The following MAGI2 variants were observed in gnomAD, a reference collection of about 807,000 sequenced individuals.
MAGI2 encodes membrane associated guanylate kinase, WW and PDZ domain containing 2.
In MAGI2, 35 loss-of-function variants were observed where a neutral mutation model predicts 133.3. The ratio of observed to expected loss-of-function variants is 0.26; its 90% confidence interval spans 0.20 to 0.35. The LOEUF (loss-of-function observed/expected upper bound fraction) is 0.35, where lower values mean the gene tolerates loss of function less well. Among genes scored for constraint, MAGI2 ranks in the 10% least tolerant of loss-of-function variants. MAGI2 has a pLI of 1.00. For missense variants in MAGI2, 1,636 were observed against 1,863.4 expected, an observed-to-expected ratio of 0.88 and a Z score of 2.25; for synonymous variants, 729 against 710.6, an observed-to-expected ratio of 1.03 and a Z score of -0.41.
chr7:78,722,993 T>G (rs563730169), intron 2 of MAGI2, among the ~76,000 whole-genome samples: 76 of 152,192 alleles, frequency 5.0e-4, no homozygotes, highest in African/African-American at 1.7e-3. Context: ...GATGTAAGAA[T>G]GTGGAAATTA....
At chr7:78,020,344 G>A (rs1447004047) in intron 21 of MAGI2, among the ~76,000 whole-genome samples, 2 of 152,124 alleles carry the variant, frequency 1.3e-5, no homozygotes, top group Admixed American at 6.5e-5. Context: ...TCTCCAACTC[G>A]AGTAGACCTT....
chr7:79,441,811 A>G (rs1027302575), intron 1 of MAGI2, among the ~76,000 whole-genome samples: 1 of 152,098 alleles, frequency 6.6e-6, no homozygotes, highest in African/African-American at 2.4e-5. Context: ...ACACTTATAA[A>G]TTAGGCATAA....
At chr7:78,594,723 T>A (rs1804415881) in intron 3 of MAGI2, among the ~76,000 whole-genome samples, 1 of 152,166 alleles carries the variant, frequency 6.6e-6, no homozygotes, top group Non-Finnish European at 1.5e-5. Flanking sequence ...CCCAAAGTGT[T>A]GGGATTACAG....
At chr7:78,342,168 AAAG>A (rs1278321508) in intron 9 of MAGI2, among the ~76,000 whole-genome samples, 1 of 152,212 alleles carries the variant, frequency 6.6e-6, no homozygotes, top group Non-Finnish European at 1.5e-5. Context: ...ACACTTCTCA[AAAG>A]AAGACATTTG....
intron 1 of MAGI2, among the ~76,000 whole-genome samples, chr7:79,210,314 A>G (rs1308643745): frequency 2.6e-5 from 4 of 152,210 alleles, no homozygotes; most frequent in African/African-American, 7.2e-5. Context: ...TAAAGCTTCT[A>G]TAAATGTTGA....
intron 2 of MAGI2, among the ~76,000 whole-genome samples, chr7:78,893,768 C>A (rs1461426573): frequency 6.6e-6 from 1 of 152,022 alleles, no homozygotes; most frequent in Non-Finnish European, 1.5e-5. Flanking sequence ...GGAGATATAC[C>A]TAATGTTAAA....
chr7:78,111,886 TG>T, intron 20 of MAGI2, among the ~76,000 whole-genome samples: 1 of 152,236 alleles, frequency 6.6e-6, no homozygotes, highest in East Asian at 1.9e-4. Context: ...CAGGGTTGGC[TG>T]AATTTCAGCA....
intron 3 of MAGI2, among the ~76,000 whole-genome samples, chr7:78,552,974 A>G (rs1799483259): frequency 6.6e-6 from 1 of 151,976 alleles, no homozygotes; most frequent in Non-Finnish European, 1.5e-5. Context: ...GATATGAATG[A>G]GAGTTTGTGG....
chr7:78,452,352 G>A (rs1788813914), intron 6 of MAGI2, among the ~76,000 whole-genome samples: 1 of 151,904 alleles, frequency 6.6e-6, no homozygotes, highest in African/African-American at 2.4e-5. Flanking sequence ...AGTGATAGTA[G>A]GAGCAATGCA....
At chr7:78,646,650 A>G (rs984262482) in intron 2 of MAGI2, among the ~76,000 whole-genome samples, 1 of 152,240 alleles carries the variant, frequency 6.6e-6, no homozygotes, top group Non-Finnish European at 1.5e-5. Flanking sequence ...TTATAAAGCT[A>G]TAGGACAATA....
At chr7:78,392,264 T>C (rs1795960916) in intron 6 of MAGI2, among the ~76,000 whole-genome samples, 2 of 152,280 alleles carry the variant, frequency 1.3e-5, no homozygotes, top group Non-Finnish European at 1.5e-5. Context: ...ATTTAAGATG[T>C]CTTCATGACT....
intron 1 of MAGI2, among the ~76,000 whole-genome samples, chr7:79,359,891 C>T (rs188763399): frequency 9.9e-5 from 15 of 152,208 alleles, no homozygotes; most frequent in African/African-American, 2.6e-4. Context: ...TCACTGTCAG[C>T]GCTCATTTAA....
chr7:78,666,961 A>T (rs897754238), intron 2 of MAGI2, among the ~76,000 whole-genome samples: 54 of 152,146 alleles, frequency 3.5e-4, no homozygotes, highest in Non-Finnish European at 6.8e-4. Flanking sequence ...TATATGGGAA[A>T]AATTCTTAAA....
chr7:78,480,370 A>G (rs897594764), intron 6 of MAGI2, among the ~76,000 whole-genome samples: 1 of 151,874 alleles, frequency 6.6e-6, no homozygotes, highest in Non-Finnish European at 1.5e-5. Flanking sequence ...AAACCAGATA[A>G]AGACAGTACA....
chr7:79,348,263 T>C (rs916875082), intron 1 of MAGI2, among the ~76,000 whole-genome samples: 3 of 151,926 alleles, frequency 2.0e-5, no homozygotes, highest in Non-Finnish European at 4.4e-5. Flanking sequence ...GATCTTCTAG[T>C]TTAATTACAC....
intron 1 of MAGI2, among the ~76,000 whole-genome samples, chr7:79,359,456 A>G (rs1031462979): frequency 6.6e-6 from 1 of 152,040 alleles, no homozygotes; most frequent in African/African-American, 2.4e-5. Context: ...AATTCTCCAC[A>G]CTTGATAAAA....
At chr7:78,396,151 T>C (rs775648892) in intron 6 of MAGI2, among the ~76,000 whole-genome samples, 8 of 152,160 alleles carry the variant, frequency 5.3e-5, no homozygotes, top group Non-Finnish European at 8.8e-5. Flanking sequence ...CCTTTTAAGA[T>C]AAATTTTCAG....
chr7:79,152,664 A>G (rs1427328661), intron 1 of MAGI2, among the ~76,000 whole-genome samples: 1 of 152,164 alleles, frequency 6.6e-6, no homozygotes. Context: ...TTCCACTCCA[A>G]ATGAATTTCT....
intron 2 of MAGI2, among the ~76,000 whole-genome samples, chr7:78,923,515 G>A (rs183980064): frequency 6.6e-5 from 10 of 152,098 alleles, no homozygotes; most frequent in East Asian, 5.8e-4. Context: ...GATAAGCGGC[G>A]TTATTTCTGA....
Sources: allele counts gnomAD v4.1 joint callset (sites outside exome capture counted in the v4.1 genomes callset), GRCh38; gene constraint gnomAD v4.1.1; transcripts MANE v1.5; gene names NCBI Gene and HGNC (gene_info 2026-07-23, HGNC 2026-07-21).